Variants in CDC42SE2 observed in about 807,000 individuals in gnomAD.
The protein encoded by CDC42SE2 is CDC42 small effector 2, also known as CDC42 small effector protein 2.
Under a neutral mutation model 11.5 loss-of-function variants are expected in CDC42SE2, and 3 were observed. The observed-to-expected ratio is 0.26, with a 90% CI of 0.12 to 0.67. The LOEUF (loss-of-function observed/expected upper bound fraction) is 0.67, where lower values mean the gene tolerates loss of function less well. CDC42SE2 is among the 30% of genes least tolerant of loss of function. The pLI is 0.80. For missense variants in CDC42SE2, 82 were observed against 106.8 expected, an observed-to-expected ratio of 0.77 and a Z score of 1.02; for synonymous variants, 33 against 34.8, an observed-to-expected ratio of 0.95 and a Z score of 0.18.
At chr5:131,367,638 T>A (rs1261013706) in intron 3 of CDC42SE2, among the ~76,000 whole-genome samples, 1 of 152,246 alleles carries the variant, frequency 6.6e-6, no homozygotes, top group Non-Finnish European at 1.5e-5. Flanking sequence ...TTTCCTCTTG[T>A]GTGAAAGACA....
intron 3 of CDC42SE2, among the ~76,000 whole-genome samples, chr5:131,370,346 AT>A (rs919351678): frequency 6.6e-6 from 1 of 151,286 alleles, no homozygotes; most frequent in African/African-American, 2.4e-5. Context: ...AGCATCAATT[AT>A]TTTTTTTTCT....
rs1440415060 is a variant in CDC42SE2, at chr5:131,393,751, A to C, written c.*2660A>C. The C allele has an allele frequency of 2.0e-5, 3 of 152,132 alleles. No individual in the cohort carries two copies. Among genetic ancestry groups the C allele is most frequent in the African/African-American group, 7.2e-5 (3 of 41,410 alleles). The allele number at this position is 152,132 out of a possible 1,614,324, so 9.4% of individuals were successfully genotyped here. On this transcript the variant is annotated 3_prime_UTR_variant, in exon 5 of 5. Coordinates refer to ENST00000505065, the MANE Select transcript of CDC42SE2 (RefSeq NM_001375635.1). ...TTTCTACTTGTCATATAACTCCTGG[A>C]ACAATAGTACGGGAAGCCGTGATCC...
intron 1 of CDC42SE2, among the ~76,000 whole-genome samples, chr5:131,297,304 AC>A (rs946524479): frequency 2.6e-5 from 4 of 152,040 alleles, no homozygotes; most frequent in Admixed American, 2.6e-4. Context: ...TTTTTCTTGT[AC>A]CCATAACTGT....
At chr5:131,222,559 T>C in the CDC42SE2 span, among the ~76,000 whole-genome samples, 1 of 152,204 alleles carries the variant, frequency 6.6e-6, no homozygotes, top group Admixed American at 6.5e-5. Flanking sequence ...TAAATGAAAT[T>C]TTAAACAAAC....
chr5:131,359,043 C>G (rs1346067718), intron 2 of CDC42SE2, among the ~76,000 whole-genome samples, 166 bp from the exon 3 acceptor site: 1 of 152,102 alleles, frequency 6.6e-6, no homozygotes, highest in South Asian at 2.1e-4. Flanking sequence ...GAACTTGACA[C>G]TTAAAAAGTT....
chr5:131,246,902 C>T (rs1412834382), intron 1 of CDC42SE2, among the ~76,000 whole-genome samples: 1 of 151,776 alleles, frequency 6.6e-6, no homozygotes, highest in Non-Finnish European at 1.5e-5. Flanking sequence ...TGCCACCATG[C>T]CTGGCTAATT....
intron 3 of CDC42SE2, among the ~76,000 whole-genome samples, chr5:131,370,807 AT>A (rs947245705): frequency 2.7e-5 from 4 of 150,900 alleles, no homozygotes; most frequent in African/African-American, 7.3e-5. Flanking sequence ...AATAGCATGA[AT>A]TTTTTTTTTA....
chr5:131,353,348 C>A (rs1251410603), intron 2 of CDC42SE2, among the ~76,000 whole-genome samples: 1 of 150,728 alleles, frequency 6.6e-6, no homozygotes, highest in African/African-American at 2.4e-5. Context: ...GTGGTATGAT[C>A]CCAGCTCACT....
intron 1 of CDC42SE2, among the ~76,000 whole-genome samples, chr5:131,283,745 G>A (rs965205039): frequency 1.1e-4 from 17 of 151,958 alleles, no homozygotes; most frequent in African/African-American, 2.4e-5. Flanking sequence ...CGCCCATCTC[G>A]GCCTGCCAAA....
chr5:131,359,517 C>CA lies in CDC42SE2; in HGVS notation c.26dup (p.Asn9LysfsTer11). 1 of 1,613,218 alleles carries CA rather than the reference C, an allele frequency of 6.2e-7. No homozygotes were observed. ...GCATGAGTGAATTCTGGTTGTGTTT[C>CA]AACTGCTGTATTGCAGAACAGCCTC... On this transcript the variant is annotated frameshift_variant, in exon 3 of 5. Transcript: ENST00000505065. LOFTEE classifies it high-confidence loss of function.
intron 2 of CDC42SE2, among the ~76,000 whole-genome samples, chr5:131,316,386 T>C (rs966931571): frequency 5.3e-5 from 8 of 152,228 alleles, no homozygotes; most frequent in Non-Finnish European, 1.2e-4. Flanking sequence ...TTCTCTATTA[T>C]TTGTTCTTCA....
chr5:131,297,378 A>G (rs1485598463), intron 1 of CDC42SE2, among the ~76,000 whole-genome samples: 2 of 152,048 alleles, frequency 1.3e-5, no homozygotes, highest in Non-Finnish European at 2.9e-5. Flanking sequence ...TTTCTCATGT[A>G]TACATGAGAA....
At chr5:131,240,233 C>T in the CDC42SE2 span, among the ~76,000 whole-genome samples, 1 of 152,164 alleles carries the variant, frequency 6.6e-6, no homozygotes, top group Admixed American at 6.5e-5. Context: ...TGTCTTAGCT[C>T]AGAATCTAAA....
the CDC42SE2 span, among the ~76,000 whole-genome samples, chr5:131,231,651 T>C: frequency 6.6e-6 from 1 of 152,200 alleles, no homozygotes; most frequent in Non-Finnish European, 1.5e-5. Flanking sequence ...TTCACATTAA[T>C]TGTGATTTCT....
chr5:131,323,332 A>G (rs1443976558), intron 2 of CDC42SE2, among the ~76,000 whole-genome samples: 2 of 151,722 alleles, frequency 1.3e-5, no homozygotes, highest in Non-Finnish European at 2.9e-5. Context: ...CCCCCAATCT[A>G]TATTTTTAAC....
At chr5:131,362,958 G>GC (rs1468513679) in intron 3 of CDC42SE2, among the ~76,000 whole-genome samples, 2 of 151,926 alleles carry the variant, frequency 1.3e-5, no homozygotes, top group Non-Finnish European at 1.5e-5. Context: ...ACCAGCCTGA[G>GC]CAACATGGTG....
chr5:131,301,114 A>G (rs986764391), intron 1 of CDC42SE2, among the ~76,000 whole-genome samples: 5 of 152,282 alleles, frequency 3.3e-5, no homozygotes, highest in African/African-American at 9.6e-5. Context: ...AAACTCTTAA[A>G]TACTGTATTG....
chr5:131,334,945 CT>C (rs1758518359), intron 2 of CDC42SE2, among the ~76,000 whole-genome samples: 1 of 152,006 alleles, frequency 6.6e-6, no homozygotes, highest in African/African-American at 2.4e-5. Context: ...TTTTTGAAGG[CT>C]TTTTTGTGTC....
chr5:131,323,610 A>T (rs1380264356), intron 2 of CDC42SE2, among the ~76,000 whole-genome samples: 1 of 128,790 alleles, frequency 7.8e-6, no homozygotes, highest in African/African-American at 3.1e-5. Flanking sequence ...ACAGACTAGG[A>T]TATGTGTACT....
Sources: allele counts gnomAD v4.1 joint callset (sites outside exome capture counted in the v4.1 genomes callset), GRCh38; gene constraint gnomAD v4.1.1; transcripts MANE v1.5; gene names NCBI Gene and HGNC (gene_info 2026-07-23, HGNC 2026-07-21).